The following DOCK9 variants were observed in gnomAD, a reference collection of about 807,000 sequenced individuals.
The protein encoded by DOCK9 is dedicator of cytokinesis protein 9.
Under a neutral mutation model 263.3 loss-of-function variants are expected in DOCK9, and 89 were observed. The observed-to-expected ratio is 0.34, with a 90% CI of 0.28 to 0.40. DOCK9 has a LOEUF of 0.40. Ranked by LOEUF, DOCK9 falls within the 10% of genes least tolerant of loss-of-function variation. The pLI is 1.00. For synonymous variants in DOCK9, 976 were observed against 973.1 expected (o/e 1.00, Z -0.06); for missense variants, 2,140 against 2,603.4 (o/e 0.82, Z 3.87).
chr13:98,893,684 G>T (rs1274004120), intron 15 of DOCK9, among the ~76,000 whole-genome samples: 3 of 152,110 alleles, frequency 2.0e-5, no homozygotes, highest in African/African-American at 7.2e-5. Flanking sequence ...AATAGCTTTG[G>T]ATCCAAGCCG....
intron 9 of DOCK9, among the ~76,000 whole-genome samples, chr13:98,909,365 C>T (rs1280894383): frequency 1.3e-5 from 2 of 152,102 alleles, no homozygotes; most frequent in Non-Finnish European, 2.9e-5. Context: ...CTGCTGTAGG[C>T]TTTAGGCATA....
chr13:98,941,512 A>G (rs1202435047), intron 2 of DOCK9, among the ~76,000 whole-genome samples: 1 of 152,248 alleles, frequency 6.6e-6, no homozygotes, highest in Non-Finnish European at 1.5e-5. Context: ...AGTAAACTAA[A>G]TAACATAAAT....
intron 49 of DOCK9, 78 bp downstream of exon 49, chr13:98,804,920 CT>C: frequency 6.8e-7 from 1 of 1,477,330 alleles, no homozygotes; most frequent in Non-Finnish European, 9.2e-7. Flanking sequence ...CCTTCCAGTC[CT>C]GAAGCTTCTG....
chr13:98,946,469 G>A (rs1286338946), intron 2 of DOCK9, among the ~76,000 whole-genome samples: 1 of 152,048 alleles, frequency 6.6e-6, no homozygotes, highest in Non-Finnish European at 1.5e-5. Context: ...AGCTCCCTCA[G>A]CACAATCTGC....
intron 7 of DOCK9, among the ~76,000 whole-genome samples, chr13:98,915,746 T>C (rs188067946): frequency 1.3e-5 from 2 of 151,852 alleles, no homozygotes; most frequent in Non-Finnish European, 2.9e-5. Context: ...CATACTCATC[T>C]GATTCACTGT....
chr13:98,920,885 T>A (rs917473115), intron 7 of DOCK9, 69 bp downstream of exon 7: 1 of 1,434,248 alleles, frequency 7.0e-7, no homozygotes. Context: ...TTTGCTTAAA[T>A]CTGCTAATTT....
At position 98,902,494 on chromosome 13, in the gene DOCK9, G is replaced by T. The variant is rs1161463697; in HGVS notation, c.1177-3C>A. 1 of 1,612,616 alleles carries T rather than the reference G, an allele frequency of 6.2e-7. No homozygotes were observed. The highest frequency in any genetic ancestry group is 1.3e-5 in the African/African-American group (1 of 74,888). On this transcript the variant is annotated splice_polypyrimidine_tract_variant and splice_region_variant and intron_variant, in intron 11 of 52. Transcript: ENST00000682017. Reference sequence around the variant, plus strand: ...AGAGTAACAAAGAAAGGTTCAACCTGAACAAAACAAAACAATCCAATGATC... The same window carrying T: ...AGAGTAACAAAGAAAGGTTCAACCTTAACAAAACAAAACAATCCAATGATC...
chr13:98,958,845 C>T (rs1043715157), intron 1 of DOCK9, among the ~76,000 whole-genome samples: 8 of 152,116 alleles, frequency 5.3e-5, no homozygotes, highest in Non-Finnish European at 1.0e-4. Context: ...TCTGATTAAA[C>T]TTGGGTTGCT....
intron 1 of DOCK9, among the ~76,000 whole-genome samples, chr13:99,041,689 A>C (rs1888476083): frequency 6.6e-6 from 1 of 152,214 alleles, no homozygotes; most frequent in Non-Finnish European, 1.5e-5. Flanking sequence ...TGTGAATGTG[A>C]CTTATTTGAA....
rs1353042432 is a variant in DOCK9, at chr13:98,888,372, C to G, written c.1965G>C (p.Lys655Asn). 6.2e-7 allele frequency: 1 copy of G among 1,613,086 alleles called. No homozygotes were observed. The highest frequency in any genetic ancestry group is 1.7e-5 in the Admixed American group (1 of 59,940). The change falls in exon 17 of 53, where the codon AAG becomes AAC. Residue 655 changes from lysine (K) to asparagine (N), a missense_variant. Coordinates refer to ENST00000682017, the MANE Select transcript of DOCK9 (RefSeq NM_001366683.2). ...TCTTCACACTCACCTTGGCAAAAGA[C>G]TTCTGACTGTCGTATTTCAAGTACT... ...YPKYLKYDSQKSFAKARNIAI... is the reference protein window; with the variant it reads ...YPKYLKYDSQNSFAKARNIAI...
At chr13:98,936,309 T>C (rs1270678635) in intron 2 of DOCK9, among the ~76,000 whole-genome samples, 1 of 152,168 alleles carries the variant, frequency 6.6e-6, no homozygotes, top group Non-Finnish European at 1.5e-5. Flanking sequence ...GAACAGGAGA[T>C]ACATCTTCCT....
chr13:98,980,166 G>A (rs1443564877), upstream of DOCK9, among the ~76,000 whole-genome samples: 3 of 152,170 alleles, frequency 2.0e-5, no homozygotes, highest in Admixed American at 6.5e-5. Flanking sequence ...AGGAACTAGA[G>A]GTGTGAGCCA....
chr13:98,851,700 T>A (rs1188702536), intron 35 of DOCK9, among the ~76,000 whole-genome samples: 1 of 152,226 alleles, frequency 6.6e-6, no homozygotes. Flanking sequence ...CACAACTGAT[T>A]TTGGTTTTCT....
Position 98,881,941 on chromosome 13 carries a change from G to A in DOCK9, c.2626C>T (p.Arg876Ter), listed in dbSNP as rs1413625871. ...TCCTGTGTGGCTCTGGTGAGGACTC[G>A]GAACAGCTGGTTTAGGATAGTGGGC... Reference protein sequence around the residue: ...FLPTILNQLFRVLTRATQEEV... With the variant: ...FLPTILNQLF Residue 876 changes from arginine (R) to a stop codon, truncating the protein, a stop_gained, in exon 24 of 53, where the codon CGA (arginine) becomes TGA (stop). Coordinates refer to ENST00000682017, the MANE Select transcript of DOCK9 (RefSeq NM_001366683.2). LOFTEE classifies it high-confidence loss of function. 1 of 1,599,416 alleles carries A rather than the reference G, an allele frequency of 6.3e-7. No homozygotes were observed. The highest frequency in any genetic ancestry group is 8.5e-7 in the Non-Finnish European group (1 of 1,173,158).
At chr13:99,013,394 C>T (rs963472504) in intron 1 of DOCK9, among the ~76,000 whole-genome samples, 8 of 152,162 alleles carry the variant, frequency 5.3e-5, no homozygotes, top group African/African-American at 9.7e-5. Flanking sequence ...GGATTACAGG[C>T]GTGAGCCACC....
At chr13:99,008,185 C>CCTGCCTCTCTCTCTCTCTCTCTCT in intron 1 of DOCK9, among the ~76,000 whole-genome samples, 1 of 100,996 alleles carries the variant, frequency 9.9e-6, no homozygotes, top group Non-Finnish European at 1.9e-5. Context: ...TATTGTGCAG[C>CCTGCCTCTCTCTCTCTCTCTCTCT]CTCTCTCTCT....
Position 98,829,882 on chromosome 13 carries a change from G to A in DOCK9, c.4636-126C>T. 1.4e-6 allele frequency: 1 copy of A among 709,212 alleles called. No homozygotes were observed. The highest frequency in any genetic ancestry group is 2.5e-6 in the Non-Finnish European group (1 of 404,126). 43.9% of individuals were successfully genotyped at this position (709,212 alleles called of 1,614,324 possible). On this transcript the variant is annotated intron_variant, in intron 41 of 52. Coordinates refer to ENST00000682017, the MANE Select transcript of DOCK9 (RefSeq NM_001366683.2). The surrounding 1 kb of genome is among the most constrained non-coding windows in gnomAD (Gnocchi z 4.1). The stretch of plus-strand genomic sequence containing the variant: ...TGGGGGTTGGGGGGTGCTTTGAGCA[G>A]GGGTCGCTCCGTGTAGGAAACAATG...
chr13:98,901,819 G>A lies in DOCK9; in HGVS notation c.1462C>T (p.His488Tyr). 1 of 1,612,744 alleles carries A rather than the reference G, an allele frequency of 6.2e-7. No individual in the cohort carries two copies. The highest frequency in any genetic ancestry group is 8.5e-7 in the Non-Finnish European group (1 of 1,179,350). Residue 488 changes from histidine (H) to tyrosine (Y), a missense_variant, in exon 13 of 53, where the codon CAT (histidine) becomes TAT (tyrosine). Around this residue, in one of 2 missense-constraint regions of DOCK9, gnomAD observed 1,521 missense variants for 1,741.7 expected, o/e 0.87. Transcript: ENST00000682017. ...CTTTTCATATATGGCTCAGCGCAAT[G>A]TGTGATGCTCCCCTGAAGGACTTTT... ...IEKVLQGSIT[H>Y]CAEPYMKSSD...
At chr13:99,005,028 A>G (rs944638068) in intron 1 of DOCK9, among the ~76,000 whole-genome samples, 1 of 152,042 alleles carries the variant, frequency 6.6e-6, no homozygotes, top group Non-Finnish European at 1.5e-5. Flanking sequence ...ACCTTTGCTT[A>G]TATTTTGCTG....
Sources: allele counts gnomAD v4.1 joint callset (sites outside exome capture counted in the v4.1 genomes callset), GRCh38; gene constraint gnomAD v4.1.1; regional missense constraint gnomAD v4.1.1; non-coding constraint Gnocchi (gnomAD v3.1); transcripts MANE v1.5; gene names NCBI Gene and HGNC (gene_info 2026-07-23, HGNC 2026-07-21).